SLC2A13: variants seen among roughly 807,000 people sequenced by gnomAD.
SLC2A13 encodes proton myo-inositol cotransporter.
Under a neutral mutation model 64.4 loss-of-function variants are expected in SLC2A13, and 32 were observed. The ratio of observed to expected loss-of-function variants is 0.50; its 90% CI spans 0.37 to 0.67. The LOEUF is 0.67. Among genes scored for constraint, SLC2A13 ranks in the 30% least tolerant of loss-of-function variants. SLC2A13 has a pLI of 0.00. For synonymous variants in SLC2A13, 338 were observed against 327.1 expected (o/e 1.03, Z -0.36); for missense variants, 743 against 829.2 (o/e 0.90, Z 1.28).
chr12:39,844,337 T>C (rs1020227438), intron 6 of SLC2A13, among the ~76,000 whole-genome samples: 1 of 152,072 alleles, frequency 6.6e-6, no homozygotes. Flanking sequence ...AGTCAAAGTT[T>C]AATGTAAGCA....
intron 1 of SLC2A13, among the ~76,000 whole-genome samples, chr12:40,079,442 C>G (rs1565618183): frequency 6.6e-6 from 1 of 152,110 alleles, no homozygotes; most frequent in Non-Finnish European, 1.5e-5. Context: ...GTATTGATTT[C>G]TATTTTTATT....
chr12:39,818,995 C>G (rs559541479), intron 7 of SLC2A13, among the ~76,000 whole-genome samples: 1 of 152,062 alleles, frequency 6.6e-6, no homozygotes, highest in Non-Finnish European at 1.5e-5. Flanking sequence ...CAATGTTAAA[C>G]GAACGAAGAT....
chr12:39,797,400 T>C (rs1370650413), intron 7 of SLC2A13, among the ~76,000 whole-genome samples: 2 of 152,152 alleles, frequency 1.3e-5, no homozygotes, highest in African/African-American at 4.8e-5. Context: ...GCACAGTATT[T>C]TTCTCATTTA....
At chr12:39,852,693 G>A (rs935890244) in intron 6 of SLC2A13, among the ~76,000 whole-genome samples, 1 of 152,170 alleles carries the variant, frequency 6.6e-6, no homozygotes, top group Non-Finnish European at 1.5e-5. Context: ...GGAACAAAAG[G>A]ATCAGAGGCT....
intron 7 of SLC2A13, among the ~76,000 whole-genome samples, chr12:39,786,664 CAG>C (rs1941200570): frequency 6.6e-6 from 1 of 152,192 alleles, no homozygotes; most frequent in South Asian, 2.1e-4. Context: ...CACAGAAAAT[CAG>C]AGTCAGAAAC....
intron 7 of SLC2A13, among the ~76,000 whole-genome samples, chr12:39,779,285 C>T (rs144102587): frequency 1.4e-4 from 22 of 152,266 alleles, no homozygotes; most frequent in Admixed American, 6.5e-4. Flanking sequence ...CCTTCTGAAA[C>T]GGGAAGGACT....
chr12:39,903,630 G>C (rs1471956802), intron 4 of SLC2A13, among the ~76,000 whole-genome samples: 1 of 151,976 alleles, frequency 6.6e-6, no homozygotes, highest in Non-Finnish European at 1.5e-5. Flanking sequence ...CTCTTGGAGG[G>C]AAAATGTGAG....
At chr12:39,772,220 A>G (rs1940606924) in intron 7 of SLC2A13, among the ~76,000 whole-genome samples, 1 of 152,142 alleles carries the variant, frequency 6.6e-6, no homozygotes, top group Admixed American at 6.5e-5. Context: ...AGACTGCATG[A>G]GTTTGTATCT....
chr12:39,847,803 A>G (rs1426920148), intron 6 of SLC2A13, among the ~76,000 whole-genome samples: 1 of 152,100 alleles, frequency 6.6e-6, no homozygotes, highest in East Asian at 1.9e-4. Flanking sequence ...TATTTTTTTC[A>G]AATGCTTAAA....
intron 4 of SLC2A13, among the ~76,000 whole-genome samples, chr12:39,932,816 T>G (rs902003726): frequency 5.3e-5 from 8 of 150,440 alleles, no homozygotes; most frequent in Admixed American, 6.6e-5. Flanking sequence ...TCTGGAGATT[T>G]TGAGAAACAT....
At chr12:39,972,270 G>T (rs1162205125) in intron 3 of SLC2A13, among the ~76,000 whole-genome samples, 1 of 151,682 alleles carries the variant, frequency 6.6e-6, no homozygotes, top group African/African-American at 2.4e-5. Flanking sequence ...CCAAAGTAGG[G>T]CAGGGAACAT....
chr12:39,886,468 T>C (rs1198433455), intron 4 of SLC2A13, among the ~76,000 whole-genome samples: 1 of 152,174 alleles, frequency 6.6e-6, no homozygotes, highest in East Asian at 1.9e-4. Context: ...AGAAATGCAA[T>C]TATCTATCAG....
intron 7 of SLC2A13, among the ~76,000 whole-genome samples, chr12:39,812,135 A>G (rs1408400016): frequency 1.3e-5 from 2 of 152,042 alleles, no homozygotes; most frequent in African/African-American, 4.8e-5. Flanking sequence ...TAGGCACAAG[A>G]AGATTTGGTG....
At chr12:39,955,943 G>A (rs562955627) in intron 3 of SLC2A13, among the ~76,000 whole-genome samples, 7 of 152,262 alleles carry the variant, frequency 4.6e-5, no homozygotes, top group South Asian at 4.1e-4. Context: ...TGTCTACTGC[G>A]TTAAGCTACC....
At chr12:40,052,645 G>A (rs771308120) in intron 1 of SLC2A13, among the ~76,000 whole-genome samples, 4 of 152,130 alleles carry the variant, frequency 2.6e-5, no homozygotes, top group Non-Finnish European at 5.9e-5. Flanking sequence ...TAAGTTAAGA[G>A]CAGTTCTGCC....
At chr12:39,945,484 C>T (rs529903966) in intron 4 of SLC2A13, among the ~76,000 whole-genome samples, 2 of 152,090 alleles carry the variant, frequency 1.3e-5, no homozygotes, top group South Asian at 2.1e-4. Flanking sequence ...TCAGCTATGC[C>T]GATTATTCTT....
chr12:39,764,476 C>T lies in SLC2A13; in HGVS notation c.1704G>A (p.Glu568=). 1.9e-6 allele frequency: 3 copies of T among 1,596,720 alleles called. No homozygotes were observed. Among genetic ancestry groups the T allele is most frequent in the Non-Finnish European group, 2.6e-6 (3 of 1,175,062 alleles). The change falls in exon 9 of 10, where the codon GAG becomes GAA. Residue 568 remains glutamate, a synonymous_variant. Transcript: ENST00000280871. ...TTATCTTACCATAGTATGTAAGATA[C>T]TCTGCTGTGTGTAAAAATGTTAGTG... ...LVSLTFLHTA[E]YLTYYGAFFL... is the part of the protein sequence containing the mutation.
At chr12:40,026,973 G>C (rs777012562) in intron 3 of SLC2A13, among the ~76,000 whole-genome samples, 1 of 151,986 alleles carries the variant, frequency 6.6e-6, no homozygotes, top group African/African-American at 2.4e-5. Flanking sequence ...CCAGCTACTC[G>C]GGAGGCCGAG....
intron 1 of SLC2A13, among the ~76,000 whole-genome samples, chr12:40,087,458 T>C (rs991376545): frequency 6.6e-6 from 1 of 152,162 alleles, no homozygotes; most frequent in African/African-American, 2.4e-5. Context: ...AAAACTGAGT[T>C]TTTAAGACCC....
Sources: allele counts gnomAD v4.1 joint callset (sites outside exome capture counted in the v4.1 genomes callset), GRCh38; gene constraint gnomAD v4.1.1; transcripts MANE v1.5; gene names NCBI Gene and HGNC (gene_info 2026-07-23, HGNC 2026-07-21).